CATSPERE: variants seen among roughly 807,000 people sequenced by gnomAD.
CATSPERE encodes cation channel sperm-associated auxiliary subunit epsilon.
In CATSPERE, 93 loss-of-function variants were observed where a neutral mutation model predicts 114.1. The observed-to-expected ratio is 0.81, with a 90% CI of 0.69 to 0.97. CATSPERE has a LOEUF of 0.97. CATSPERE is among the 50% of genes least tolerant of loss of function. CATSPERE has a pLI of 0.00. For synonymous variants in CATSPERE, 341 were observed against 384.1 expected (o/e 0.89, Z 1.31); for missense variants, 1,058 against 1,131.6 (o/e 0.93, Z 0.93).
At chr1:244,478,761 C>T (rs374921951) in intron 4 of CATSPERE, among the ~76,000 whole-genome samples, 2 of 152,216 alleles carry the variant, frequency 1.3e-5, no homozygotes, top group African/African-American at 4.8e-5. Context: ...ATGCCGGGCG[C>T]GGTGGCTCAC....
At chr1:244,533,850 C>T (rs1679975691) in intron 8 of CATSPERE, among the ~76,000 whole-genome samples, 1 of 151,274 alleles carries the variant, frequency 6.6e-6, no homozygotes, top group South Asian at 2.1e-4. Flanking sequence ...TTAAAATCAG[C>T]AGTGAGTTTT....
At chr1:244,623,823 ATACTT>A (rs368385196) in intron 20 of CATSPERE, among the ~76,000 whole-genome samples, 52 of 152,372 alleles carry the variant, frequency 3.4e-4, no homozygotes, top group African/African-American at 1.2e-3. Context: ...AATTTAAAAA[ATACTT>A]TATTGCTAAA....
rs1174261196 is a variant in CATSPERE, at chr1:244,640,071, A to G, written c.2846A>G (p.Lys949Arg). The change falls in exon 22 of 22, where the codon AAG (lysine) becomes AGG (arginine). Residue 949 changes from lysine to arginine, a missense_variant. Transcript: ENST00000366534. ...EPLHKPQRKR[K>R]KN Reference sequence around the variant, plus strand: ...CTTCACAAACCTCAAAGAAAACGTAAGAAGAATTAGGAAAACTGAAAGTTT... The same window carrying G: ...CTTCACAAACCTCAAAGAAAACGTAGGAAGAATTAGGAAAACTGAAAGTTT... 2 of 1,548,234 alleles carry G rather than the reference A, an allele frequency of 1.3e-6. No homozygotes were observed. Among genetic ancestry groups the G allele is most frequent in the African/African-American group, 1.4e-5 (1 of 72,844 alleles).
chr1:244,456,926 A>G (rs1004748733), upstream of CATSPERE, among the ~76,000 whole-genome samples: 2 of 152,238 alleles, frequency 1.3e-5, no homozygotes, highest in Non-Finnish European at 2.9e-5. Context: ...CAAGGTGTGT[A>G]AGGAAGGTGT....
At chr1:244,520,780 G>A (rs1677408635) in intron 8 of CATSPERE, among the ~76,000 whole-genome samples, 1 of 152,146 alleles carries the variant, frequency 6.6e-6, no homozygotes, top group Non-Finnish European at 1.5e-5. Flanking sequence ...CAATTCCACA[G>A]CAACTAAGGA....
intron 20 of CATSPERE, among the ~76,000 whole-genome samples, chr1:244,625,424 A>ATTTT (rs1281579567): frequency 2.5e-4 from 1 of 3,952 alleles, no homozygotes; most frequent in African/African-American, 5.1e-4. Context: ...ATATATATAT[A>ATTTT]TATATATATT....
chr1:244,617,457 A>G, intron 19 of CATSPERE, 72 bp from the exon 20 acceptor site: 1 of 1,193,274 alleles, frequency 8.4e-7, no homozygotes, highest in Non-Finnish European at 1.1e-6. Flanking sequence ...TTTCCAAGAT[A>G]AATGAGACTA....
Position 244,633,115 on chromosome 1 carries a change from A to T in CATSPERE, c.2649-2374A>T, listed in dbSNP as rs1043226245. Among the ~76,000 whole-genome samples the T allele has an allele frequency of 6.6e-6, 1 of 152,236 alleles. No homozygotes were observed. Among genetic ancestry groups the T allele is most frequent in the Admixed American group, 6.5e-5 (1 of 15,282 alleles). ...TACCTTTAAAACAGCTTCAAAATAC[A>T]TGAAACAAAAACGGATAGAACTAAA... On this transcript the variant is annotated intron_variant, in intron 20 of 21. Transcript: ENST00000366534. This position sits in a 1 kb window ranked among gnomAD's most constrained non-coding sequence, Gnocchi z 4.1.
intron 7 of CATSPERE, among the ~76,000 whole-genome samples, chr1:244,502,778 G>A (rs1450773982): frequency 1.3e-5 from 2 of 152,138 alleles, no homozygotes; most frequent in Admixed American, 6.6e-5. Flanking sequence ...TATCACTGCC[G>A]TGGACCACTA....
At chr1:244,481,814 T>G (rs1670312289) in intron 5 of CATSPERE, among the ~76,000 whole-genome samples, 1 of 152,190 alleles carries the variant, frequency 6.6e-6, no homozygotes, top group Non-Finnish European at 1.5e-5. Flanking sequence ...AGATAGCACC[T>G]TGATCTTTGG....
chr1:244,610,432 G>C lies in CATSPERE; in HGVS notation c.2490+106G>C, dbSNP rs115226889. Reference sequence around the variant, plus strand: ...ACATTTTGGATTTAAATTTGCTTTGGTAAATCAAATCCTATTTTTATATTA... The same window carrying C: ...ACATTTTGGATTTAAATTTGCTTTGCTAAATCAAATCCTATTTTTATATTA... On this transcript the variant is annotated intron_variant, in intron 19 of 21. Transcript: ENST00000366534. 2,098 of 790,056 alleles carry C rather than the reference G, an allele frequency of 2.7e-3. 29 individuals are homozygous for C. The African/African-American group carries it at 0.032, about 12-fold the overall frequency. 48.9% of individuals were successfully genotyped at this position (790,056 alleles called of 1,614,324 possible).
chr1:244,596,778 A>T (rs200147437), intron 17 of CATSPERE, among the ~76,000 whole-genome samples: 167 of 75,550 alleles, frequency 2.2e-3, no homozygotes, highest in Middle Eastern at 5.3e-3. Flanking sequence ...AGTAAAATTT[A>T]AAAAAAAAAA....
At chr1:244,523,771 A>G (rs1246649423) in intron 8 of CATSPERE, among the ~76,000 whole-genome samples, 3 of 141,818 alleles carry the variant, frequency 2.1e-5, no homozygotes, top group Admixed American at 6.9e-5. Context: ...CTAGGAATCC[A>G]ACTTACAAGG....
At chr1:244,477,797 A>G in intron 3 of CATSPERE, 109 bp from the exon 4 acceptor site, 4 of 989,420 alleles carry the variant, frequency 4.0e-6, no homozygotes, top group Non-Finnish European at 6.1e-6. Flanking sequence ...ATTTAAAAAT[A>G]TCTCTTATCA....
intron 7 of CATSPERE, among the ~76,000 whole-genome samples, chr1:244,513,837 T>C (rs1676155524): frequency 6.6e-6 from 1 of 152,118 alleles, no homozygotes; most frequent in Admixed American, 6.5e-5. Flanking sequence ...TGCAGGTGGG[T>C]TGGGTATAAC....
In CATSPERE at chr1:244,479,784, G is replaced by A; in HGVS notation, c.326G>A (p.Arg109Lys). 6.4e-7 allele frequency: 1 copy of A among 1,555,614 alleles called. No homozygotes were observed. The highest frequency in any genetic ancestry group is 8.8e-7 in the Non-Finnish European group (1 of 1,133,978). Residue 109 changes from arginine (R) to lysine (K), a missense_variant and splice_region_variant, in exon 5 of 22, where the codon AGA becomes AAA. Arg to Lys is a conservative substitution (Grantham distance 26). Around this residue, in one of 2 missense-constraint regions of CATSPERE, gnomAD observed 271 missense variants for 225.9 expected, o/e 1.20. Coordinates refer to ENST00000366534, the MANE Select transcript of CATSPERE (RefSeq NM_001130957.2). ...TGCTTTCTGTGGTACTATAGAGTTA[G>A]GTAAGTAATGCAGTACTGAATAGGT... is the stretch of plus-strand genomic sequence containing the variant. ...HTCFLWYYRV[R>K]HFFNNFTQLI...
At chr1:244,605,833 A>G (rs374643884) in intron 18 of CATSPERE, 39 bp downstream of exon 18, 65 of 1,337,548 alleles carry the variant, frequency 4.9e-5, no homozygotes, top group Non-Finnish European at 4.0e-5. Context: ...TTAGCATGCA[A>G]CTAGACAATG....
intron 19 of CATSPERE, among the ~76,000 whole-genome samples, chr1:244,610,819 G>A (rs1670624802): frequency 6.6e-6 from 1 of 150,844 alleles, no homozygotes; most frequent in African/African-American, 2.5e-5. Flanking sequence ...GGAGGGCAGT[G>A]GCACAATCTC....
chr1:244,629,619 C>G lies in CATSPERE; in HGVS notation c.2649-5870C>G, dbSNP rs1344366237. Among the ~76,000 whole-genome samples, 3 of 148,860 alleles carry G rather than the reference C, an allele frequency of 2.0e-5. 1 individual carries two copies. Among genetic ancestry groups the G allele is most frequent in the Non-Finnish European group, 4.4e-5 (3 of 67,684 alleles). ...AAAGTGCTGGGATTACAGGTGTGAG[C>G]CAGCAGGCTTGGCATTGTCTCCTTT... On this transcript the variant is annotated intron_variant, in intron 20 of 21. Coordinates refer to ENST00000366534, the MANE Select transcript of CATSPERE (RefSeq NM_001130957.2).
Sources: allele counts gnomAD v4.1 joint callset (sites outside exome capture counted in the v4.1 genomes callset), GRCh38; gene constraint gnomAD v4.1.1; regional missense constraint gnomAD v4.1.1; non-coding constraint Gnocchi (gnomAD v3.1); transcripts MANE v1.5; gene names NCBI Gene and HGNC (gene_info 2026-07-23, HGNC 2026-07-21).